The following GRXCR1 variants were observed in gnomAD, a reference collection of about 807,000 sequenced individuals.
The protein encoded by GRXCR1 is glutaredoxin domain-containing cysteine-rich protein 1.
Under a neutral mutation model 27.3 loss-of-function variants are expected in GRXCR1, and 27 were observed. The ratio of observed to expected loss-of-function variants is 0.99; its 90% CI spans 0.73 to 1.37. The LOEUF (loss-of-function observed/expected upper bound fraction) is 1.37. Among genes scored for constraint, GRXCR1 ranks in the 40% most tolerant of loss-of-function variants. The pLI is 0.00. For missense variants in GRXCR1, 379 were observed against 354.4 expected, an observed-to-expected ratio of 1.07 and a Z score of -0.56; for synonymous variants, 122 against 131.1, an observed-to-expected ratio of 0.93 and a Z score of 0.47.
Position 43,030,546 on chromosome 4 carries a change from G to T in GRXCR1, c.*6G>T, listed in dbSNP as rs1344018880. Reference sequence around the variant, plus strand: ...GTAAGAACTGTGCTGGTTAATTGGAGCTTCTACCCAGGAAAAACCTCATTT... The same window carrying T: ...GTAAGAACTGTGCTGGTTAATTGGATCTTCTACCCAGGAAAAACCTCATTT... On this transcript the variant is annotated 3_prime_UTR_variant, in exon 4 of 4. Transcript: ENST00000399770. 1.9e-6 allele frequency: 3 copies of T among 1,613,018 alleles called. No homozygotes were observed. The East Asian group carries it at 6.7e-5, about 36-fold the overall frequency.
At chr4:42,979,729 G>T (rs908602993) in intron 2 of GRXCR1, among the ~76,000 whole-genome samples, 1 of 151,894 alleles carries the variant, frequency 6.6e-6, no homozygotes, top group Admixed American at 6.6e-5. Context: ...TTTGGTGTGT[G>T]GGGCAGGTAG....
At chr4:42,992,508 T>C (rs1212132559) in intron 2 of GRXCR1, among the ~76,000 whole-genome samples, 1 of 152,130 alleles carries the variant, frequency 6.6e-6, no homozygotes, top group African/African-American at 2.4e-5. Flanking sequence ...ATGATCCAAA[T>C]AATTTTAATT....
chr4:43,006,397 T>G (rs1712559656), intron 2 of GRXCR1, among the ~76,000 whole-genome samples: 1 of 152,196 alleles, frequency 6.6e-6, no homozygotes, highest in Non-Finnish European at 1.5e-5. Context: ...GAAATATCAC[T>G]GAATTCTTTT....
chr4:42,900,618 G>A (rs1044045918), intron 1 of GRXCR1, among the ~76,000 whole-genome samples: 1 of 152,156 alleles, frequency 6.6e-6, no homozygotes, highest in Non-Finnish European at 1.5e-5. Flanking sequence ...GAAAACCAAG[G>A]TGTTGATTTG....
chr4:42,964,201 G>T (rs1338594673), intron 2 of GRXCR1, among the ~76,000 whole-genome samples: 1 of 151,898 alleles, frequency 6.6e-6, no homozygotes, highest in East Asian at 1.9e-4. Flanking sequence ...TCCTTAGGTT[G>T]CAGAAAATGA....
chr4:42,993,484 A>T (rs1712041094), intron 2 of GRXCR1, among the ~76,000 whole-genome samples: 1 of 152,066 alleles, frequency 6.6e-6, no homozygotes, highest in Non-Finnish European at 1.5e-5. Context: ...CATAAGTGTA[A>T]AATATCATAA....
At chr4:42,990,293 G>A (rs1711927510) in intron 2 of GRXCR1, among the ~76,000 whole-genome samples, 1 of 137,570 alleles carries the variant, frequency 7.3e-6, no homozygotes, top group Non-Finnish European at 1.5e-5. Context: ...CCGGGTTCAC[G>A]CCATTCTCCT....
chr4:42,935,594 T>C (rs897001707), intron 1 of GRXCR1, among the ~76,000 whole-genome samples: 1 of 151,752 alleles, frequency 6.6e-6, no homozygotes, highest in South Asian at 2.1e-4. Flanking sequence ...AAAATTAAGA[T>C]CCAGATATAC....
rs115667847 is a variant in GRXCR1, at chr4:42,930,602, C to A, written c.385-32290C>A. 1.6e-3 allele frequency among the ~76,000 whole-genome samples: 241 copies of A among 151,976 alleles called. 1 individual carries two copies. Among genetic ancestry groups the A allele is most frequent in the African/African-American group, 5.6e-3 (233 of 41,454 alleles). ...TTGAGACTAATGGCTAAAATAGAGA[C>A]TCTTTTTTAAAAAGTATTGGTTTTC... On this transcript the variant is annotated intron_variant, in intron 1 of 3. Transcript: ENST00000399770.
At chr4:42,899,557 T>C (rs1455766035) in intron 1 of GRXCR1, among the ~76,000 whole-genome samples, 3 of 152,154 alleles carry the variant, frequency 2.0e-5, no homozygotes, top group Non-Finnish European at 4.4e-5. Flanking sequence ...TAGACCATCA[T>C]TTTATTTTGG....
chr4:42,965,672 G>A (rs916776535), intron 2 of GRXCR1, among the ~76,000 whole-genome samples: 2 of 151,970 alleles, frequency 1.3e-5, no homozygotes, highest in Non-Finnish European at 2.9e-5. Flanking sequence ...ATTTAGATGG[G>A]TGAGAAAAAT....
chr4:42,964,494 G>A (rs968923056), intron 2 of GRXCR1, among the ~76,000 whole-genome samples: 2 of 152,012 alleles, frequency 1.3e-5, no homozygotes, highest in Admixed American at 6.6e-5. Flanking sequence ...AGAATATTGA[G>A]CTAATACATA....
At chr4:43,016,790 G>A (rs1048469089) in intron 2 of GRXCR1, among the ~76,000 whole-genome samples, 1 of 152,204 alleles carries the variant, frequency 6.6e-6, no homozygotes, top group Non-Finnish European at 1.5e-5. Flanking sequence ...CACATTCATA[G>A]GTCATGTGGT....
chr4:43,019,677 C>T (rs973571798), intron 2 of GRXCR1, among the ~76,000 whole-genome samples: 15 of 152,140 alleles, frequency 9.9e-5, no homozygotes, highest in African/African-American at 3.4e-4. Flanking sequence ...TTCTCACTTT[C>T]ATAGTAATGT....
rs190148606 is a variant in GRXCR1, at chr4:42,892,824, G to A, written c.-443G>A. On this transcript the variant is annotated 5_prime_UTR_variant, in exon 1 of 4. Coordinates refer to ENST00000399770, the MANE Select transcript of GRXCR1 (RefSeq NM_001080476.3). The stretch of plus-strand genomic sequence containing the variant: ...GTGACTGCTCTTATCCTACAAACTT[G>A]GTTCCACATTTTACCTCTAACCTCT... Among the ~76,000 whole-genome samples the A allele has an allele frequency of 3.3e-5, 5 of 152,132 alleles. No individual in the cohort carries two copies. In the East Asian group the frequency reaches 5.8e-4, roughly 18 times the overall value.
intron 1 of GRXCR1, among the ~76,000 whole-genome samples, chr4:42,932,040 C>T (rs960882780): frequency 6.6e-6 from 1 of 151,902 alleles, no homozygotes; most frequent in Non-Finnish European, 1.5e-5. Flanking sequence ...ACGGAAAAGA[C>T]CCACCCCCAT....
chr4:43,005,272 C>A (rs1405104665), intron 2 of GRXCR1, among the ~76,000 whole-genome samples: 1 of 152,138 alleles, frequency 6.6e-6, no homozygotes, highest in Non-Finnish European at 1.5e-5. Context: ...AATTGTGAGT[C>A]AATTAAACCT....
At chr4:42,918,592 C>T (rs566488355) in intron 1 of GRXCR1, among the ~76,000 whole-genome samples, 1 of 152,246 alleles carries the variant, frequency 6.6e-6, no homozygotes, top group African/African-American at 2.4e-5. Flanking sequence ...GATGACAACA[C>T]CAAGAATATT....
intron 1 of GRXCR1, among the ~76,000 whole-genome samples, chr4:42,949,878 C>T (rs2109768335): frequency 6.6e-6 from 1 of 152,276 alleles, no homozygotes; most frequent in Admixed American, 6.5e-5. Context: ...TTCTTGCCCT[C>T]AGTTCTCAGT....
Sources: gnomAD v4.1 joint callset for allele counts (sites outside exome capture counted in the v4.1 genomes callset) on GRCh38, gnomAD v4.1.1 for gene constraint, MANE v1.5 for transcripts, NCBI Gene and HGNC (gene_info 2026-07-23, HGNC 2026-07-21) for gene names.